The following SETD4 variants were observed in gnomAD, a reference collection of about 807,000 sequenced individuals.
SETD4 encodes the protein SET domain containing 4.
In SETD4, 46 loss-of-function variants were observed where a neutral mutation model predicts 58.3. The observed-to-expected ratio is 0.79, with a 90% CI of 0.62 to 1.01. The LOEUF (loss-of-function observed/expected upper bound fraction) is 1.01, where lower values mean the gene tolerates loss of function less well. Among genes scored for constraint, SETD4 ranks in the 50% least tolerant of loss-of-function variants. The pLI, the probability that SETD4 is intolerant of heterozygous loss-of-function variation, is 0.00. For synonymous variants in SETD4, 190 were observed against 202.6 expected, an observed-to-expected ratio of 0.94 and a Z score of 0.53; for missense variants, 490 against 523.3, an observed-to-expected ratio of 0.94 and a Z score of 0.62.
At chr21:36,057,034 C>T in intron 3 of SETD4, 75 bp downstream of exon 3, 1 of 1,175,522 alleles carries the variant, frequency 8.5e-7, no homozygotes, top group Non-Finnish European at 1.3e-6. Flanking sequence ...CTGAGGCCCA[C>T]CTGCAAGAGT....
At chr21:36,060,135 C>A in intron 1 of SETD4, 2 of 985,576 alleles carry the variant, frequency 2.0e-6, no homozygotes, top group Non-Finnish European at 2.4e-6. Flanking sequence ...CAGCTTTACG[C>A]AGCGCGCCGG....
In SETD4 at chr21:36,038,217, G is replaced by C. The variant is rs2063873175; in HGVS notation, c.1121C>G (p.Thr374Arg). 1.2e-6 allele frequency: 2 copies of C among 1,613,952 alleles called. No homozygotes were observed. The highest frequency in any genetic ancestry group is 2.2e-5 in the East Asian group (1 of 44,862). Residue 374 changes from threonine to arginine, a missense_variant, in exon 10 of 12, where the codon ACA (threonine) becomes AGA (arginine). Coordinates refer to ENST00000332131, the MANE Select transcript of SETD4 (RefSeq NM_017438.5). Reference protein sequence around the residue: ...GEVISDTNEKTSLDIAQKICY... With the variant: ...GEVISDTNEKRSLDIAQKICY... ...TATTTTCTGGGCTATGTCCAAACTT[G>C]TCTTCTCATTCGTATCTGAAATTAC...
intron 10 of SETD4, 60 bp downstream of exon 10, chr21:36,038,090 A>C: frequency 6.4e-7 from 1 of 1,564,400 alleles, no homozygotes. Context: ...TAACATGTAC[A>C]AAACAAGGAA....
chr21:36,051,467 G>C, intron 4 of SETD4: 1 of 1,380,834 alleles, frequency 7.2e-7, no homozygotes, highest in Non-Finnish European at 9.4e-7. Context: ...TGCTGTTCAT[G>C]GAGGATGCTC....
chr21:36,039,083 A>G (rs2063920648), intron 9 of SETD4, among the ~76,000 whole-genome samples: 1 of 152,218 alleles, frequency 6.6e-6, no homozygotes, highest in African/African-American at 2.4e-5. Context: ...AGCCCGGAAT[A>G]GTCTCAGAAG....
In SETD4 at chr21:36,045,830, C is replaced by T. The variant is rs1256292645; in HGVS notation, c.478G>A (p.Glu160Lys). The change falls in exon 6 of 12, where the codon GAA becomes AAA. Residue 160 changes from glutamate (E) to lysine (K), a missense_variant. Glu to Lys is a moderately conservative substitution (Grantham distance 56). Coordinates refer to ENST00000332131, the MANE Select transcript of SETD4 (RefSeq NM_017438.5). ...TCCTGCACGTGGGCTCTCTGCTCTT[C>T]AGCCTTTGCTTTTAAAGATTTGGGA... ...LLPKSLKAKAEEQRAHVQEFF... is the reference protein window; with the variant it reads ...LLPKSLKAKAKEQRAHVQEFF... 6.2e-7 allele frequency: 1 copy of T among 1,614,096 alleles called. No homozygotes were observed. Among genetic ancestry groups the T allele is most frequent in the Admixed American group, 1.7e-5 (1 of 60,006 alleles).
chr21:36,047,045 C>T (rs767439232), intron 5 of SETD4, among the ~76,000 whole-genome samples: 1 of 152,072 alleles, frequency 6.6e-6, no homozygotes, highest in Non-Finnish European at 1.5e-5. Flanking sequence ...CACTTGAGGC[C>T]AGGAGTTTGA....
At chr21:36,036,944 A>G (rs1050077157) in intron 10 of SETD4, among the ~76,000 whole-genome samples, 2 of 152,344 alleles carry the variant, frequency 1.3e-5, no homozygotes, top group African/African-American at 4.8e-5. Flanking sequence ...CCAATATTGC[A>G]TGATCTCACT....
rs148047153 is a variant in SETD4 at position 36,037,638 on chromosome 21, A to C, written c.1188+512T>G. Among the ~76,000 whole-genome samples, 852 of 151,454 alleles carry C rather than the reference A, an allele frequency of 5.6e-3. 6 individuals are homozygous for C. Among genetic ancestry groups the C allele is most frequent in the African/African-American group, 0.019 (789 of 41,328 alleles). ...AAAAAAAATAGAAAAGAAAAAGAAA[A>C]AATAAAAATAAAAAATTGAGAGAAA... On this transcript the variant is annotated intron_variant, in intron 10 of 11. Transcript: ENST00000332131.
At chr21:36,046,708 T>C (rs985742318) in intron 5 of SETD4, among the ~76,000 whole-genome samples, 1 of 152,252 alleles carries the variant, frequency 6.6e-6, no homozygotes, top group Admixed American at 6.5e-5. Context: ...TTACAAATTA[T>C]GTATCACAGT....
chr21:36,055,950 T>C (rs2064963801), intron 3 of SETD4, among the ~76,000 whole-genome samples: 1 of 152,176 alleles, frequency 6.6e-6, no homozygotes, highest in Admixed American at 6.5e-5. Context: ...CTACTGACTC[T>C]CTTGATCATC....
chr21:36,042,167 T>C (rs1054756898), intron 7 of SETD4: 1 of 227,886 alleles, frequency 4.4e-6, no homozygotes, highest in Non-Finnish European at 8.4e-6. Context: ...AAGCAGGTCA[T>C]TAGGACATCA....
chr21:36,048,717 C>CT (rs5843739), intron 4 of SETD4, among the ~76,000 whole-genome samples: 88,866 of 129,652 alleles, frequency 0.69, 30,934 homozygotes, highest in South Asian at 0.76. Context: ...TGTTTCTTCA[C>CT]TTTTTTTTTT....
At chr21:36,050,799 T>A (rs758987128) in intron 4 of SETD4, 179 of 1,611,556 alleles carry the variant, frequency 1.1e-4, no homozygotes, top group South Asian at 1.2e-4. Context: ...GTTCCAGAAG[T>A]ATGTTAAAGA....
In SETD4 at chr21:36,041,750, G is replaced by A; in HGVS notation, c.983+57C>T. 4 of 1,272,058 alleles carry A rather than the reference G, an allele frequency of 3.1e-6. No individual in the cohort carries two copies. The East Asian group carries it at 1.0e-4, about 33-fold the overall frequency. 78.8% of individuals were successfully genotyped at this position (1,272,058 alleles called of 1,614,324 possible). On this transcript the variant is annotated intron_variant, in intron 8 of 11. Transcript: ENST00000332131. Reference sequence around the variant, plus strand: ...ACCCCCATGGAAAATTTAACCCCAGGTTTTCCATGAAAATTTCCTAAAGGA... The same window carrying A: ...ACCCCCATGGAAAATTTAACCCCAGATTTTCCATGAAAATTTCCTAAAGGA...
chr21:36,052,589 A>G (rs1046321571), intron 4 of SETD4, among the ~76,000 whole-genome samples: 2 of 150,674 alleles, frequency 1.3e-5, no homozygotes, highest in South Asian at 4.2e-4. Context: ...CGTTTTATCT[A>G]CTGAAAAAAA....
chr21:36,043,741 A>G lies in SETD4; in HGVS notation c.901+41T>C, dbSNP rs747946411. ...ATACACATCTCCAAATGGGGAAAAA[A>G]ATTATATAGTGTTAATGTTAAGAAC... is the stretch of plus-strand genomic sequence containing the variant. On this transcript the variant is annotated intron_variant, in intron 7 of 11. Transcript: ENST00000332131. The G allele has an allele frequency of 2.5e-6, 4 of 1,601,614 alleles. No homozygotes were observed. The South Asian group carries it at 4.5e-5, about 18-fold the overall frequency.
At chr21:36,046,732 C>A (rs189775411) in intron 5 of SETD4, among the ~76,000 whole-genome samples, 59 of 152,316 alleles carry the variant, frequency 3.9e-4, no homozygotes, top group Non-Finnish European at 7.9e-4. Context: ...TTTACTTGCA[C>A]AATTGCCGAT....
At chr21:36,039,173 A>T (rs1256726310) in intron 9 of SETD4, among the ~76,000 whole-genome samples, 1 of 152,240 alleles carries the variant, frequency 6.6e-6, no homozygotes, top group African/African-American at 2.4e-5. Context: ...CATGGTGTTC[A>T]TGAATAACCA....
Sources: gnomAD v4.1 joint callset for allele counts (sites outside exome capture counted in the v4.1 genomes callset) on GRCh38, gnomAD v4.1.1 for gene constraint, MANE v1.5 for transcripts, NCBI Gene and HGNC (gene_info 2026-07-23, HGNC 2026-07-21) for gene names.